SGTB: variants seen among roughly 807,000 people sequenced by gnomAD.
SGTB encodes the protein small glutamine-rich tetratricopeptide repeat-containing protein beta.
In SGTB, 19 loss-of-function variants were observed where a neutral mutation model predicts 43.9. The observed-to-expected ratio is 0.43, with a 90% CI of 0.30 to 0.63. SGTB has a LOEUF of 0.63. Ranked by LOEUF, SGTB falls within the 30% of genes least tolerant of loss-of-function variation. The pLI is 0.12. For missense variants in SGTB, 304 were observed against 358.9 expected (o/e 0.85, Z 1.24); for synonymous variants, 116 against 117.3 (o/e 0.99, Z 0.07).
chr5:65,683,442 A>G lies in SGTB; in HGVS notation c.479+1926T>C, dbSNP rs372201416. 9.5e-4 allele frequency among the ~76,000 whole-genome samples: 144 copies of G among 152,332 alleles called. 1 individual carries two copies. The highest frequency in any genetic ancestry group is 3.3e-3 in the African/African-American group (139 of 41,576). On this transcript the variant is annotated intron_variant, in intron 6 of 10. Coordinates refer to ENST00000381007, the MANE Select transcript of SGTB (RefSeq NM_019072.3). ...TTCATAAATACAGAATCTGCAAATA[A>G]TGAGTATCAACTGTAGATGAATTTT...
chr5:65,715,896 A>G (rs1343256249), intron 2 of SGTB, among the ~76,000 whole-genome samples: 2 of 152,174 alleles, frequency 1.3e-5, no homozygotes, highest in African/African-American at 2.4e-5. Flanking sequence ...CAGCCTCCTG[A>G]GTAGCTGGGA....
intron 2 of SGTB, among the ~76,000 whole-genome samples, chr5:65,714,743 A>G (rs1365108649): frequency 5.9e-5 from 9 of 152,262 alleles, no homozygotes; most frequent in Non-Finnish European, 1.0e-4. Context: ...TGAACCCAGG[A>G]GGCAGTGGTT....
intron 2 of SGTB, among the ~76,000 whole-genome samples, chr5:65,720,081 C>CTTTTT (rs11312137): frequency 3.0e-4 from 38 of 124,946 alleles, no homozygotes; most frequent in Non-Finnish European, 3.5e-4. Context: ...TTTTCTTTTT[C>CTTTTT]TTTTTTTTTT....
chr5:65,707,440 A>T (rs868193228), intron 4 of SGTB, among the ~76,000 whole-genome samples: 1,396 of 126,170 alleles, frequency 0.011, 21 homozygotes, highest in African/African-American at 0.032. Flanking sequence ...ACACACATAT[A>T]TTTTTTTTTT....
Position 65,680,732 on chromosome 5 carries a change from T to A in SGTB, c.542A>T (p.Asp181Val). 6.2e-7 allele frequency: 1 copy of A among 1,614,106 alleles called. No individual in the cohort carries two copies. Among genetic ancestry groups the A allele is most frequent in the Non-Finnish European group, 8.5e-7 (1 of 1,180,000 alleles). The change falls in exon 7 of 11, where the codon GAT (aspartate) becomes GTT (valine). Residue 181 changes from aspartate to valine, a missense_variant. Asp to Val is a radical substitution (Grantham distance 152). Coordinates refer to ENST00000381007, the MANE Select transcript of SGTB (RefSeq NM_019072.3). Reference sequence around the variant, plus strand: ...ATAGGAATCATTTTCAGGGTCAAGATCTAATGCCTTTTGATAACTTGTAAC... The same window carrying A: ...ATAGGAATCATTTTCAGGGTCAAGAACTAATGCCTTTTGATAACTTGTAAC... ...EAVTSYQKAL[D>V]LDPENDSYKS...
At chr5:65,691,803 C>G (rs1217641810) in intron 5 of SGTB, among the ~76,000 whole-genome samples, 1 of 151,234 alleles carries the variant, frequency 6.6e-6, no homozygotes. Flanking sequence ...TGGTGGCGGG[C>G]GCCTGTAGTC....
chr5:65,666,892 T>C lies in SGTB; in HGVS notation c.*3354A>G, dbSNP rs1256489893. 1 of 152,208 alleles carries C rather than the reference T, an allele frequency of 6.6e-6. No individual in the cohort carries two copies. 9.4% of individuals were successfully genotyped at this position (152,208 alleles called of 1,614,324 possible). A position where few individuals can be genotyped will look rare whatever the true frequency, so the allele number is the denominator to read the frequency against. On this transcript the variant is annotated 3_prime_UTR_variant, in exon 11 of 11. Transcript: ENST00000381007. Reference sequence around the variant, plus strand: ...CATTGTTTTAAAGTTTTTTTTCTTATAGTATCTTTGTCTGGGTAATACTGG... The same window carrying C: ...CATTGTTTTAAAGTTTTTTTTCTTACAGTATCTTTGTCTGGGTAATACTGG...
intron 1 of SGTB, 120 bp from the exon 2 acceptor site, chr5:65,720,949 A>T (rs1242800183): frequency 2.0e-6 from 2 of 985,226 alleles, no homozygotes; most frequent in Non-Finnish European, 2.9e-6. Flanking sequence ...AAAACACAAA[A>T]CTGTATGACC....
At position 65,716,060 on chromosome 5, in the gene SGTB, G is replaced by A. The variant is rs186442813; in HGVS notation, c.101-2996C>T. 4.1e-3 allele frequency among the ~76,000 whole-genome samples: 627 copies of A among 152,314 alleles called. 2 individuals are homozygous for A. The highest frequency in any genetic ancestry group is 6.2e-3 in the Non-Finnish European group (424 of 68,034). On this transcript the variant is annotated intron_variant, in intron 2 of 10. Transcript: ENST00000381007. ...ACTGGGATTACAGGTGTGAGCCACC[G>A]CACCCGGCCCACAGCTGCAGGTTTA...
intron 5 of SGTB, among the ~76,000 whole-genome samples, chr5:65,689,760 T>C (rs984048595): frequency 6.6e-6 from 1 of 152,158 alleles, no homozygotes; most frequent in Non-Finnish European, 1.5e-5. Flanking sequence ...AGGAGAAGTC[T>C]GGCAGACTAT....
At chr5:65,722,334 A>G, upstream of SGTB, 6 of 1,519,518 alleles carry the variant, frequency 3.9e-6, no homozygotes, top group Non-Finnish European at 5.3e-6. Context: ...CCCACGCCGA[A>G]GGACCACGCG....
chr5:65,722,359 C>G (rs1301324077), upstream of SGTB: 4 of 1,564,766 alleles, frequency 2.6e-6, no homozygotes, highest in Non-Finnish European at 3.5e-6. Flanking sequence ...CCGCCGCCAG[C>G]CTCTCAGCGC....
chr5:65,694,993 G>A (rs1402991203), intron 5 of SGTB, among the ~76,000 whole-genome samples: 1 of 151,710 alleles, frequency 6.6e-6, no homozygotes, highest in Non-Finnish European at 1.5e-5. Context: ...GCGTCATGTT[G>A]AGGAGCTTAA....
chr5:65,717,172 T>C (rs1438955042), intron 2 of SGTB, among the ~76,000 whole-genome samples: 1 of 152,096 alleles, frequency 6.6e-6, no homozygotes, highest in African/African-American at 2.4e-5. Flanking sequence ...ATGAGAGTGG[T>C]ATAGATTGAG....
intron 9 of SGTB, 38 bp from the exon 10 acceptor site, chr5:65,672,036 A>G (rs1419330324): frequency 1.9e-6 from 3 of 1,607,422 alleles, no homozygotes; most frequent in Admixed American, 1.7e-5. Flanking sequence ...GGATTGGTAT[A>G]TATTCTTAAC....
chr5:65,706,519 C>T (rs1475249260), intron 4 of SGTB, among the ~76,000 whole-genome samples: 1 of 152,072 alleles, frequency 6.6e-6, no homozygotes, highest in Non-Finnish European at 1.5e-5. Flanking sequence ...ACATATTTAA[C>T]ATATAAAATA....
intron 10 of SGTB, 145 bp from the exon 11 acceptor site, chr5:65,670,502 C>G: frequency 3.3e-6 from 2 of 612,924 alleles, no homozygotes; most frequent in Non-Finnish European, 5.8e-6. Context: ...TTAGAATCTA[C>G]AAGTTTACCA....
chr5:65,705,273 C>A (rs1020422811), intron 4 of SGTB, among the ~76,000 whole-genome samples: 1 of 151,254 alleles, frequency 6.6e-6, no homozygotes, highest in African/African-American at 2.4e-5. Context: ...TGGGACCCCC[C>A]CTCATCTCAA....
intron 5 of SGTB, among the ~76,000 whole-genome samples, chr5:65,698,361 T>C (rs1179160465): frequency 3.3e-5 from 5 of 152,210 alleles, no homozygotes; most frequent in African/African-American, 1.2e-4. Flanking sequence ...TGTACTATAC[T>C]GCTTGATCTC....
Sources: gnomAD v4.1 joint callset for allele counts (sites outside exome capture counted in the v4.1 genomes callset) on GRCh38, gnomAD v4.1.1 for gene constraint, MANE v1.5 for transcripts, NCBI Gene and HGNC (gene_info 2026-07-23, HGNC 2026-07-21) for gene names.